LAMC1: variants seen among roughly 807,000 people sequenced by gnomAD.
LAMC1 encodes laminin subunit gamma-1.
A neutral mutation model predicts 173.6 loss-of-function variants in LAMC1; 38 were observed. The observed-to-expected ratio is 0.22, with a 90% confidence interval of 0.17 to 0.29. LAMC1 has a LOEUF of 0.29. LAMC1 is among the 10% of genes least tolerant of loss of function. The pLI is 1.00. For synonymous variants in LAMC1, 746 were observed against 749.1 expected, an observed-to-expected ratio of 1.00 and a Z score of 0.07; for missense variants, 1,824 against 2,051.8, an observed-to-expected ratio of 0.89 and a Z score of 2.14.
intron 1 of LAMC1, among the ~76,000 whole-genome samples, chr1:183,058,180 T>TACAATTTAAGGATTG (rs1654646776): frequency 6.6e-6 from 1 of 152,258 alleles, no homozygotes; most frequent in Non-Finnish European, 1.5e-5. Context: ...GGAAGTGTAC[T>TACAATTTAAGGATTG]TAGAGGCAAT....
intron 1 of LAMC1, among the ~76,000 whole-genome samples, chr1:183,079,238 T>TTTTG (rs1655201696): frequency 4.3e-5 from 1 of 23,026 alleles, no homozygotes. Context: ...TCTGGTTTTT[T>TTTTG]TTTTTTTTTT....
intron 1 of LAMC1, among the ~76,000 whole-genome samples, chr1:183,039,619 A>G (rs1654073197): frequency 6.6e-6 from 1 of 152,190 alleles, no homozygotes; most frequent in Admixed American, 6.5e-5. Flanking sequence ...CTGAAATAGC[A>G]TCAACTCCTG....
At chr1:183,049,214 T>G (rs1287497797) in intron 1 of LAMC1, among the ~76,000 whole-genome samples, 1 of 152,200 alleles carries the variant, frequency 6.6e-6, no homozygotes, top group African/African-American at 2.4e-5. Context: ...AATATTTTTC[T>G]TGGTAAAATG....
chr1:183,110,613 C>T lies in LAMC1; in HGVS notation c.980C>T (p.Pro327Leu), dbSNP rs1199151085. ...EKCLPFFNDR[P>L]WRRATAESAS... is the part of the protein sequence containing the mutation. ...TGTCTTCCTTTCTTCAATGACCGGC[C>T]GTGGAGGAGGGCAACTGCGGAAAGT... The change falls in exon 4 of 28, where the codon CCG becomes CTG. Residue 327 changes from proline to leucine, a missense_variant. Transcript: ENST00000258341. 9 of 1,613,938 alleles carry T rather than the reference C, an allele frequency of 5.6e-6. No homozygotes were observed. The highest frequency in any genetic ancestry group is 2.2e-5 in the East Asian group (1 of 44,872).
chr1:183,025,539 C>CTGAA (rs1653665435), intron 1 of LAMC1, among the ~76,000 whole-genome samples: 1 of 152,116 alleles, frequency 6.6e-6, no homozygotes, highest in South Asian at 2.1e-4. Context: ...TTTAAAGGTG[C>CTGAA]CTTTCTGAAG....
chr1:183,103,692 G>T (rs780083492), intron 2 of LAMC1, 60 bp downstream of exon 2: 3 of 1,440,948 alleles, frequency 2.1e-6, no homozygotes, highest in Non-Finnish European at 2.8e-6. Flanking sequence ...GGTGTGGGAA[G>T]ATTATTGTAG....
chr1:183,049,659 T>C (rs1488103756), intron 1 of LAMC1, among the ~76,000 whole-genome samples: 1 of 152,042 alleles, frequency 6.6e-6, no homozygotes, highest in African/African-American at 2.4e-5. Flanking sequence ...AGACGGGGTT[T>C]CACCATGTTG....
intron 15 of LAMC1, 113 bp downstream of exon 15, chr1:183,125,663 T>C (rs1403969133): frequency 6.4e-6 from 5 of 785,690 alleles, no homozygotes; most frequent in Non-Finnish European, 1.0e-5. Context: ...GAGCGCCTAA[T>C]GTAGGCAAGG....
intron 26 of LAMC1, among the ~76,000 whole-genome samples, chr1:183,139,052 A>G (rs1328866391): frequency 6.6e-6 from 1 of 152,138 alleles, no homozygotes; most frequent in Non-Finnish European, 1.5e-5. Flanking sequence ...TCAAAAAAAC[A>G]AAAATTCCCA....
At chr1:183,100,982 CTG>C (rs1655820859) in intron 1 of LAMC1, among the ~76,000 whole-genome samples, 3 of 152,160 alleles carry the variant, frequency 2.0e-5, no homozygotes, top group Admixed American at 2.0e-4. Flanking sequence ...ACTTGTGGCT[CTG>C]TGTCTGTGGC....
chr1:183,048,905 C>G (rs192299568), intron 1 of LAMC1, among the ~76,000 whole-genome samples: 93 of 152,252 alleles, frequency 6.1e-4, no homozygotes, highest in Admixed American at 5.2e-3. Context: ...GTATCACTTC[C>G]TCCTATTCAG....
chr1:183,097,449 G>C (rs1476868043), intron 1 of LAMC1, among the ~76,000 whole-genome samples: 1 of 152,176 alleles, frequency 6.6e-6, no homozygotes, highest in African/African-American at 2.4e-5. Context: ...AATTCAAGCT[G>C]TGGAAGGGCA....
chr1:183,112,649 A>G (rs971678537), intron 4 of LAMC1, among the ~76,000 whole-genome samples: 24 of 152,138 alleles, frequency 1.6e-4, no homozygotes, highest in Non-Finnish European at 1.0e-4. Context: ...CAGTGTGGAC[A>G]GTGGTGTTAT....
In LAMC1 at chr1:183,023,530, C is replaced by T; in HGVS notation, c.-187C>T. 3.6e-6 allele frequency: 1 copy of T among 275,560 alleles called. No individual in the cohort carries two copies. The allele number at this position is 275,560 out of a possible 1,614,324, so 17.1% of individuals were successfully genotyped here. A position where few individuals can be genotyped will look rare whatever the true frequency, so the allele number is the denominator to read the frequency against. On this transcript the variant is annotated 5_prime_UTR_variant, in exon 1 of 28. Transcript: ENST00000258341. ...CGCGGGGGCAGTGGTCGGCGAGCAG[C>T]GCGGTCCTCGCTAGGGGCGCCCACC...
intron 1 of LAMC1, among the ~76,000 whole-genome samples, chr1:183,052,972 C>G (rs1224079991): frequency 6.6e-6 from 1 of 152,084 alleles, no homozygotes; most frequent in African/African-American, 2.4e-5. Flanking sequence ...GTTTCCTTAT[C>G]CAAACACAGG....
At chr1:183,101,724 A>T (rs897866578) in intron 1 of LAMC1, among the ~76,000 whole-genome samples, 2 of 151,978 alleles carry the variant, frequency 1.3e-5, no homozygotes, top group African/African-American at 4.8e-5. Context: ...TTAGTAAAGG[A>T]GGGAGTCAGG....
At chr1:183,092,699 G>A (rs1171427811) in intron 1 of LAMC1, among the ~76,000 whole-genome samples, 2 of 152,158 alleles carry the variant, frequency 1.3e-5, no homozygotes, top group East Asian at 3.8e-4. Context: ...TACTTACAGT[G>A]ATCCTGAAAA....
In LAMC1 at chr1:183,133,564, C is replaced by CTG. The variant is rs761090690; in HGVS notation, c.3849+16_3849+17dup. ...GAGACACTGGAGGTATGGGGGCAGCCTGTACGCACAGCCCCACCCCGTCTC... is the reference window on the plus strand; with the variant it reads ...GAGACACTGGAGGTATGGGGGCAGCCTGTGTACGCACAGCCCCACCCCGTCTC... On this transcript the variant is annotated intron_variant, in intron 22 of 27. Transcript: ENST00000258341. 1 of 1,601,476 alleles carries CTG rather than the reference C, an allele frequency of 6.2e-7. No homozygotes were observed. The highest frequency in any genetic ancestry group is 1.7e-5 in the Admixed American group (1 of 59,342).
chr1:183,030,365 CACTG>C (rs1479043378), intron 1 of LAMC1, among the ~76,000 whole-genome samples: 2 of 152,190 alleles, frequency 1.3e-5, no homozygotes, highest in Non-Finnish European at 2.9e-5. Context: ...GGATTCACTT[CACTG>C]ACTGTTTGGG....
Sources: gnomAD v4.1 joint callset for allele counts (sites outside exome capture counted in the v4.1 genomes callset) on GRCh38, gnomAD v4.1.1 for gene constraint, MANE v1.5 for transcripts, NCBI Gene and HGNC (gene_info 2026-07-23, HGNC 2026-07-21) for gene names.